Variants in DMC1 observed in about 807,000 individuals in gnomAD.
DMC1 encodes meiotic recombination protein DMC1 homolog.
A neutral mutation model predicts 50.1 loss-of-function variants in DMC1; 27 were observed. The observed-to-expected ratio is 0.54, with a 90% CI of 0.40 to 0.74. The LOEUF (loss-of-function observed/expected upper bound fraction) is 0.74. DMC1 is among the 30% of genes least tolerant of loss of function. The pLI is 0.00. For missense variants in DMC1, 295 were observed against 420.2 expected (o/e 0.70, Z 2.60); for synonymous variants, 148 against 136.1 (o/e 1.09, Z -0.61).
chr22:38,556,256 G>A (rs2090468431), intron 5 of DMC1, among the ~76,000 whole-genome samples: 1 of 151,954 alleles, frequency 6.6e-6, no homozygotes, highest in Non-Finnish European at 1.5e-5. Context: ...CTGACACAGG[G>A]CTAATTTTTT....
chr22:38,567,204 G>C (rs1320052663), intron 3 of DMC1, among the ~76,000 whole-genome samples: 1 of 152,034 alleles, frequency 6.6e-6, no homozygotes, highest in Non-Finnish European at 1.5e-5. Flanking sequence ...TAAAACCACT[G>C]AAAGAGATTA....
At position 38,549,691 on chromosome 22, in the gene DMC1, G is replaced by A. The variant is rs934061174; in HGVS notation, c.494+234C>T. ...GAGAAGTAAGAGGATTAAAAATGAT[G>A]ATATAATTTCCTCTCATGTATTTGT... On this transcript the variant is annotated intron_variant, in intron 8 of 13. Transcript: ENST00000216024. 9 of 465,624 alleles carry A rather than the reference G, an allele frequency of 1.9e-5. No individual in the cohort carries two copies. The Admixed American group carries it at 3.1e-4, about 16-fold the overall frequency. The allele number at this position is 465,624 out of a possible 1,614,324, so 28.8% of individuals were successfully genotyped here. A position where few individuals can be genotyped will look rare whatever the true frequency, so the allele number is the denominator to read the frequency against.
intron 8 of DMC1, 187 bp downstream of exon 8, chr22:38,549,738 A>C: frequency 1.7e-6 from 1 of 585,108 alleles, no homozygotes; most frequent in Non-Finnish European, 3.1e-6. Context: ...AACCCATATG[A>C]AGAAGTGAAA....
intron 7 of DMC1, among the ~76,000 whole-genome samples, chr22:38,550,448 G>C (rs2090391596): frequency 6.7e-6 from 1 of 150,242 alleles, no homozygotes; most frequent in South Asian, 2.1e-4. Context: ...CAAGTAGCTG[G>C]GACTACAGGC....
chr22:38,557,524 G>A (rs1278556861), intron 5 of DMC1, among the ~76,000 whole-genome samples: 1 of 152,068 alleles, frequency 6.6e-6, no homozygotes, highest in African/African-American at 2.4e-5. Context: ...TGGATAACAT[G>A]GCGAAACCCA....
intron 5 of DMC1, among the ~76,000 whole-genome samples, chr22:38,555,783 T>C (rs1036277365): frequency 3.9e-5 from 6 of 151,900 alleles, no homozygotes; most frequent in African/African-American, 1.4e-4. Flanking sequence ...TATGTCTTAC[T>C]AGTCTTTAGA....
chr22:38,534,861 C>T (rs1371406512), intron 12 of DMC1, among the ~76,000 whole-genome samples: 1 of 151,060 alleles, frequency 6.6e-6, no homozygotes, highest in Non-Finnish European at 1.5e-5. Flanking sequence ...AAAAATTAGC[C>T]AGGGGTGGTT....
intron 12 of DMC1, among the ~76,000 whole-genome samples, chr22:38,529,298 C>T (rs543302936): frequency 1.2e-4 from 19 of 152,228 alleles, no homozygotes; most frequent in South Asian, 4.2e-4. Flanking sequence ...CGTGAGCCAC[C>T]GCACCCGGCC....
At chr22:38,515,691 T>C (rs1294181053), downstream of DMC1, among the ~76,000 whole-genome samples, 2 of 151,594 alleles carry the variant, frequency 1.3e-5, no homozygotes, top group East Asian at 1.9e-4. Flanking sequence ...CTCAGCTACT[T>C]GGGAGGCTGA....
At chr22:38,539,475 C>T in intron 8 of DMC1, 63 bp from the exon 9 acceptor site, 2 of 1,239,028 alleles carry the variant, frequency 1.6e-6, no homozygotes, top group Non-Finnish European at 1.2e-6. Context: ...ACAACCACTA[C>T]AAAACATAAT....
chr22:38,550,406 C>A (rs1206850234), intron 7 of DMC1, among the ~76,000 whole-genome samples: 1 of 149,918 alleles, frequency 6.7e-6, no homozygotes, highest in Non-Finnish European at 1.5e-5. Flanking sequence ...CTCCGCCTCC[C>A]GGGTTCAAGC....
intron 12 of DMC1, among the ~76,000 whole-genome samples, chr22:38,530,155 T>G (rs1252732875): frequency 6.6e-6 from 1 of 151,984 alleles, no homozygotes; most frequent in Non-Finnish European, 1.5e-5. Flanking sequence ...TTAATAAAGA[T>G]GCAGTTTTGC....
chr22:38,569,793 G>A (rs558061096), intron 1 of DMC1, among the ~76,000 whole-genome samples: 2 of 152,320 alleles, frequency 1.3e-5, no homozygotes, highest in African/African-American at 4.8e-5. Flanking sequence ...TGCGGCCGCC[G>A]GACATTTTCC....
chr22:38,568,161 C>T (rs1337253000), intron 2 of DMC1, 45 bp downstream of exon 2: 10 of 1,568,206 alleles, frequency 6.4e-6, no homozygotes, highest in African/African-American at 4.1e-5. Context: ...TTGATTTTTG[C>T]GGAATGATCG....
the DMC1 span, among the ~76,000 whole-genome samples, chr22:38,512,079 A>G: frequency 7.5e-3 from 1,145 of 151,920 alleles, 7 homozygotes; most frequent in Non-Finnish European, 0.012. Flanking sequence ...GGTTCAAGAG[A>G]TTCACCCGCC....
In DMC1 at chr22:38,568,299, T is replaced by A; in HGVS notation, c.-33-10A>T. The A allele has an allele frequency of 3.1e-6, 5 of 1,594,444 alleles. No homozygotes were observed. Among genetic ancestry groups the A allele is most frequent in the Non-Finnish European group, 3.4e-6 (4 of 1,162,252 alleles). ...AGAAAAATAATCACTTCTGGGAAAA[T>A]AAGAAATATTATGTAAGAAGTAGTC... On this transcript the variant is annotated splice_polypyrimidine_tract_variant and intron_variant, in intron 1 of 13. Coordinates refer to ENST00000216024, the MANE Select transcript of DMC1 (RefSeq NM_007068.4).
chr22:38,559,459 G>A (rs1233676796), intron 5 of DMC1, among the ~76,000 whole-genome samples: 2 of 152,070 alleles, frequency 1.3e-5, no homozygotes, highest in East Asian at 1.9e-4. Context: ...GTGGGCCACC[G>A]TGCCCTGCCA....
At chr22:38,527,424 T>C (rs752886491) in intron 12 of DMC1, among the ~76,000 whole-genome samples, 3 of 151,952 alleles carry the variant, frequency 2.0e-5, no homozygotes, top group Non-Finnish European at 4.4e-5. Context: ...AGGCTGGTCT[T>C]GAACTCCCGA....
At chr22:38,511,806 G>A in the DMC1 span, among the ~76,000 whole-genome samples, 1 of 152,094 alleles carries the variant, frequency 6.6e-6, no homozygotes, top group East Asian at 1.9e-4. Flanking sequence ...TTTTAGCTGG[G>A]CATATTGATG....
Sources: allele counts gnomAD v4.1 joint callset (sites outside exome capture counted in the v4.1 genomes callset), GRCh38; gene constraint gnomAD v4.1.1; transcripts MANE v1.5; gene names NCBI Gene and HGNC (gene_info 2026-07-23, HGNC 2026-07-21).